Variants in AMPD1 observed in about 807,000 individuals in gnomAD.
AMPD1 encodes adenosine monophosphate deaminase 1.
In AMPD1, 74 loss-of-function variants were observed where a neutral mutation model predicts 82.9. The ratio of observed to expected loss-of-function variants is 0.89; its 90% CI spans 0.74 to 1.08. The LOEUF (loss-of-function observed/expected upper bound fraction) is 1.08. Among genes scored for constraint, AMPD1 ranks in the 50% least tolerant of loss-of-function variants. The pLI is 0.00. For synonymous variants in AMPD1, 333 were observed against 320.5 expected, an observed-to-expected ratio of 1.04 and a Z score of -0.42; for missense variants, 881 against 924.5, an observed-to-expected ratio of 0.95 and a Z score of 0.61.
chr1:114,674,639 C>G, intron 13 of AMPD1, 113 bp downstream of exon 13: 4 of 1,333,390 alleles, frequency 3.0e-6, no homozygotes, highest in East Asian at 4.6e-5. Context: ...CTTTTATGCT[C>G]TACTTGATTA....
intron 2 of AMPD1, chr1:114,689,052 G>T (rs979408894): frequency 1.7e-6 from 1 of 594,404 alleles, no homozygotes; most frequent in Non-Finnish European, 3.2e-6. Flanking sequence ...CCTGTTTCTG[G>T]CAAGGCTAAG....
chr1:114,679,037 T>C (rs1223436529), intron 7 of AMPD1, among the ~76,000 whole-genome samples: 1 of 152,234 alleles, frequency 6.6e-6, no homozygotes, highest in Non-Finnish European at 1.5e-5. Flanking sequence ...TCTCTGCTCA[T>C]ATATTTCCTA....
chr1:114,692,745 GAAC>G (rs1278378848), intron 2 of AMPD1, among the ~76,000 whole-genome samples: 1 of 142,048 alleles, frequency 7.0e-6, no homozygotes, highest in East Asian at 2.0e-4. Context: ...TCACAAAAAT[GAAC>G]AACAATTTTT....
chr1:114,684,310 T>C lies in AMPD1; in HGVS notation c.436A>G (p.Ile146Val), dbSNP rs1364876062. 2.5e-6 allele frequency: 4 copies of C among 1,613,954 alleles called. No homozygotes were observed. The South Asian group carries it at 4.4e-5, about 18-fold the overall frequency. Residue 146 changes from isoleucine (I) to valine (V), a missense_variant, in exon 5 of 16, where the codon ATA (isoleucine) becomes GTA (valine). Ile to Val is a conservative substitution (Grantham distance 29). Coordinates refer to ENST00000520113, the MANE Select transcript of AMPD1 (RefSeq NM_000036.3). ...GACTTCTGCATGTATTTCTCACGTA[T>C]GCATAGTGCCCGATACAGACCTTTG... ...VCKGLYRALC[I>V]REKYMQKSFQ...
chr1:114,684,106 C>CTGGA, intron 5 of AMPD1, 93 bp downstream of exon 5: 1 of 1,334,626 alleles, frequency 7.5e-7, no homozygotes, highest in Non-Finnish European at 1.0e-6. Flanking sequence ...TATTTTTAGA[C>CTGGA]TGGATTACTT....
intron 4 of AMPD1, among the ~76,000 whole-genome samples, chr1:114,685,350 A>C (rs1467260404): frequency 6.6e-6 from 1 of 152,192 alleles, no homozygotes; most frequent in Non-Finnish European, 1.5e-5. Context: ...CCTAGCACAG[A>C]ATAGATGCTC....
chr1:114,693,325 A>T (rs1658577106), intron 2 of AMPD1, 111 bp downstream of exon 2: 2 of 1,083,062 alleles, frequency 1.8e-6, no homozygotes, highest in South Asian at 2.5e-5. Flanking sequence ...TTTCAAGGCT[A>T]TTATTTAATA....
intron 12 of AMPD1, 84 bp from the exon 13 acceptor site, chr1:114,674,956 C>G (rs1657938965): frequency 6.4e-7 from 1 of 1,557,986 alleles, no homozygotes; most frequent in Non-Finnish European, 8.8e-7. Flanking sequence ...AGTGAACACT[C>G]TGGAAGGAAG....
At chr1:114,684,718 G>C (rs867575794) in intron 4 of AMPD1, among the ~76,000 whole-genome samples, 7 of 152,122 alleles carry the variant, frequency 4.6e-5, no homozygotes, top group Non-Finnish European at 7.3e-5. Flanking sequence ...TTCTAAGTAC[G>C]TGTGAACATT....
chr1:114,675,412 T>C, intron 12 of AMPD1, 118 bp downstream of exon 12: 1 of 1,126,358 alleles, frequency 8.9e-7, no homozygotes, highest in Non-Finnish European at 1.3e-6. Context: ...AATTTCTGAT[T>C]TGGGCCAATT....
At chr1:114,689,375 C>A (rs1658438412) in intron 2 of AMPD1, among the ~76,000 whole-genome samples, 1 of 152,184 alleles carries the variant, frequency 6.6e-6, no homozygotes, top group Non-Finnish European at 1.5e-5. Context: ...CTGGAAGTCC[C>A]ATTTCTTGTG....
intron 12 of AMPD1, 163 bp from the exon 13 acceptor site, chr1:114,675,035 TC>T: frequency 1.0e-6 from 1 of 972,064 alleles, no homozygotes; most frequent in Non-Finnish European, 1.5e-6. Context: ...ATACAAAGTT[TC>T]CAAAAAGAGG....
rs1361033823 is a variant in AMPD1, at chr1:114,678,016, T to C, written c.1118A>G (p.Asp373Gly). 6.2e-7 allele frequency: 1 copy of C among 1,614,014 alleles called. No individual in the cohort carries two copies. Among genetic ancestry groups the C allele is most frequent in the Non-Finnish European group, 8.5e-7 (1 of 1,179,998 alleles). ...HAGRQTFQRF[D>G]KFNDKYNPVG... ...AGGATTATATTTGTCATTGAACTTATCAAAACGCTGGAAGGTCTGGCGTCC... is the reference window on the plus strand; with the variant it reads ...AGGATTATATTTGTCATTGAACTTACCAAAACGCTGGAAGGTCTGGCGTCC... Residue 373 changes from aspartate to glycine, a missense_variant, in exon 9 of 16, where the codon GAT becomes GGT. Asp to Gly is a moderately conservative substitution (Grantham distance 94). Around this residue, in one of 2 missense-constraint regions of AMPD1, gnomAD observed 783 missense variants for 786.4 expected, o/e 1.00. Transcript: ENST00000520113.
At chr1:114,685,931 T>C (rs1658304472) in intron 4 of AMPD1, among the ~76,000 whole-genome samples, 1 of 152,194 alleles carries the variant, frequency 6.6e-6, no homozygotes, top group South Asian at 2.1e-4. Context: ...GTGGGTCAGT[T>C]ACATGAGAAG....
rs369335745 is a variant in AMPD1 at position 114,688,724 on chromosome 1, G to T, written c.52C>A (p.Arg18Ser). The T allele has an allele frequency of 1.2e-6, 2 of 1,614,170 alleles. No homozygotes were observed. The highest frequency in any genetic ancestry group is 1.7e-6 in the Non-Finnish European group (2 of 1,180,040). The change falls in exon 3 of 16, where the codon CGC becomes AGC. Residue 18 changes from arginine (R) to serine (S), a missense_variant. Around this residue, in one of 2 missense-constraint regions of AMPD1, gnomAD observed 783 missense variants for 786.4 expected, o/e 1.00. Coordinates refer to ENST00000520113, the MANE Select transcript of AMPD1 (RefSeq NM_000036.3). Reference protein sequence around the residue: ...AEEKQIDDAMRNFAEKVFASE... With the variant: ...AEEKQIDDAMSNFAEKVFASE... ...GCAAACACTTTTTCAGCAAAGTTGCGCATTGCATCATCAATTTCTAAAAGA... is the reference window on the plus strand; with the variant it reads ...GCAAACACTTTTTCAGCAAAGTTGCTCATTGCATCATCAATTTCTAAAAGA...
At position 114,684,284 on chromosome 1, in the gene AMPD1, C is replaced by T. The variant is rs770286295; in HGVS notation, c.462G>A (p.Ser154=). The T allele has an allele frequency of 1.5e-5, 25 of 1,613,868 alleles. No homozygotes were observed. Among genetic ancestry groups the T allele is most frequent in the Middle Eastern group, 1.6e-4 (1 of 6,084 alleles). The part of the protein sequence containing the change: ...LCIREKYMQK[S]FQRFPKTPSK... ...AAGGGGTTTTAGGGAACCTCTGAAACGACTTCTGCATGTATTTCTCACGTA... is the reference window on the plus strand; with the variant it reads ...AAGGGGTTTTAGGGAACCTCTGAAATGACTTCTGCATGTATTTCTCACGTA... Residue 154 remains serine (S), a synonymous_variant, in exon 5 of 16, where the codon TCG becomes TCA. Transcript: ENST00000520113.
intron 1 of AMPD1, among the ~76,000 whole-genome samples, chr1:114,694,350 T>TTGGTAAA (rs1658615815): frequency 6.6e-6 from 1 of 152,038 alleles, no homozygotes; most frequent in East Asian, 1.9e-4. Flanking sequence ...TGGGATACCA[T>TTGGTAAA]GGTAAAAGGA....
intron 2 of AMPD1, chr1:114,689,004 G>C: frequency 1.5e-6 from 1 of 681,940 alleles, no homozygotes; most frequent in Non-Finnish European, 2.7e-6. Flanking sequence ...CTAAAGATGA[G>C]ACCGGGCTGT....
rs1282932858 is a variant in AMPD1, at chr1:114,688,751, G to A, written c.35-10C>T. 6.2e-7 allele frequency: 1 copy of A among 1,614,158 alleles called. No homozygotes were observed. The highest frequency in any genetic ancestry group is 1.1e-5 in the South Asian group (1 of 91,090). ...ATTGCATCATCAATTTCTAAAAGAG[G>A]TTTTCACATATTAGTGTTCAAGCCC... On this transcript the variant is annotated splice_polypyrimidine_tract_variant and intron_variant, in intron 2 of 15. Transcript: ENST00000520113.
Sources: gnomAD v4.1 joint callset for allele counts (sites outside exome capture counted in the v4.1 genomes callset) on GRCh38, gnomAD v4.1.1 for gene constraint, gnomAD v4.1.1 regional missense constraint, MANE v1.5 for transcripts, NCBI Gene and HGNC (gene_info 2026-07-23, HGNC 2026-07-21) for gene names.